Variants in SFMBT2 observed in about 807,000 individuals in gnomAD.
SFMBT2 encodes the protein scm-like with four MBT domains protein 2.
In SFMBT2, 38 loss-of-function variants were observed where a neutral mutation model predicts 110.1. The observed-to-expected ratio is 0.35, with a 90% CI of 0.27 to 0.45. The LOEUF (loss-of-function observed/expected upper bound fraction) is 0.45. SFMBT2 is among the 20% of genes least tolerant of loss of function. The probability of loss-of-function intolerance (pLI) is 1.00; values close to 1 mark genes in which losing one functional copy is unlikely to be tolerated. For missense variants in SFMBT2, 1,011 were observed against 1,094.9 expected (o/e 0.92, Z 1.08); for synonymous variants, 425 against 425.4 (o/e 1.00, Z 0.01).
rs547267621 is a variant in SFMBT2 at position 7,301,155 on chromosome 10, C to T, written c.437-15201G>A. On this transcript the variant is annotated intron_variant, in intron 4 of 20. Coordinates refer to ENST00000397167, the MANE Select transcript of SFMBT2 (RefSeq NM_001387889.1). The surrounding 1 kb of genome is among the most constrained non-coding windows in gnomAD (Gnocchi z 4.2). ...AGGCAGTTGAGAACCATGCCTGCAA[C>T]GAACAGAAGTTCCTTCACTGAAAGT... Among the ~76,000 whole-genome samples the T allele has an allele frequency of 1.8e-4, 28 of 152,144 alleles. No individual in the cohort carries two copies. Among genetic ancestry groups the T allele is most frequent in the African/African-American group, 4.8e-4 (20 of 41,490 alleles).
intron 4 of SFMBT2, among the ~76,000 whole-genome samples, chr10:7,354,745 C>T (rs1264640516): frequency 6.6e-6 from 1 of 151,410 alleles, no homozygotes; most frequent in African/African-American, 2.5e-5. Context: ...AGCAAACAGG[C>T]TTTTAAGTAA....
intron 4 of SFMBT2, among the ~76,000 whole-genome samples, chr10:7,365,905 T>C (rs1197118947): frequency 6.6e-6 from 1 of 152,204 alleles, no homozygotes; most frequent in Non-Finnish European, 1.5e-5. Flanking sequence ...TGCACAACCT[T>C]GTGAATATAC....
intron 8 of SFMBT2, chr10:7,246,250 C>T: frequency 1.3e-6 from 1 of 765,462 alleles, no homozygotes; most frequent in Non-Finnish European, 1.6e-6. Flanking sequence ...ATACTTTCTC[C>T]CTCCCCTCAA....
chr10:7,406,872 T>C (rs574182022), intron 1 of SFMBT2, among the ~76,000 whole-genome samples: 8 of 152,056 alleles, frequency 5.3e-5, no homozygotes, highest in African/African-American at 1.7e-4. Context: ...GGATGACCAC[T>C]CTCTATTCCA....
At chr10:7,298,082 C>T (rs1041448957) in intron 4 of SFMBT2, among the ~76,000 whole-genome samples, 12 of 152,206 alleles carry the variant, frequency 7.9e-5, no homozygotes, top group Non-Finnish European at 1.8e-4. Context: ...CACCCAGAGG[C>T]CCTCGCAGCT....
At chr10:7,168,174 T>C (rs1837753305) in intron 20 of SFMBT2, among the ~76,000 whole-genome samples, 1 of 152,196 alleles carries the variant, frequency 6.6e-6, no homozygotes, top group Non-Finnish European at 1.5e-5. Context: ...TCTCTGGTGT[T>C]ATCAACTGGG....
chr10:7,198,329 T>C (rs1011825053), intron 14 of SFMBT2, among the ~76,000 whole-genome samples: 22 of 152,262 alleles, frequency 1.4e-4, no homozygotes, highest in Non-Finnish European at 2.4e-4. Context: ...TAGTTGTTTC[T>C]ACTTTTTCAG....
intron 20 of SFMBT2, among the ~76,000 whole-genome samples, chr10:7,166,514 A>G (rs1837698700): frequency 6.6e-6 from 1 of 152,224 alleles, no homozygotes; most frequent in South Asian, 2.1e-4. Flanking sequence ...TTGAGCATCT[A>G]CTAAGTGGCA....
intron 4 of SFMBT2, among the ~76,000 whole-genome samples, chr10:7,337,124 T>C (rs1255335742): frequency 6.6e-6 from 1 of 152,252 alleles, no homozygotes; most frequent in Non-Finnish European, 1.5e-5. Context: ...GGAGTGTCTC[T>C]ATTCCTGAGA....
intron 15 of SFMBT2, among the ~76,000 whole-genome samples, chr10:7,189,902 T>C (rs1838543024): frequency 2.0e-5 from 3 of 152,132 alleles, no homozygotes; most frequent in South Asian, 4.1e-4. Context: ...TGGAAGGAGA[T>C]GGGAGAATGT....
intron 7 of SFMBT2, among the ~76,000 whole-genome samples, chr10:7,266,576 C>G (rs1021751119): frequency 1.3e-5 from 2 of 152,148 alleles, no homozygotes; most frequent in African/African-American, 4.8e-5. Context: ...CAGCATCAGG[C>G]GACTGGACCC....
At chr10:7,392,986 TATATATATATATATATATATA>T (rs1845813766) in intron 1 of SFMBT2, among the ~76,000 whole-genome samples, 1 of 5,286 alleles carries the variant, frequency 1.9e-4, no homozygotes, top group East Asian at 7.2e-3. Flanking sequence ...GGATAGATTA[TATATATATATATATATATATA>T]TATATATATA....
chr10:7,326,893 T>C (rs1016439745), intron 4 of SFMBT2, among the ~76,000 whole-genome samples: 1 of 152,184 alleles, frequency 6.6e-6, no homozygotes, highest in Non-Finnish European at 1.5e-5. Context: ...CCTTTTGGTG[T>C]TCCCCTTGGG....
chr10:7,217,614 G>A (rs1405906067), intron 11 of SFMBT2, among the ~76,000 whole-genome samples: 1 of 152,142 alleles, frequency 6.6e-6, no homozygotes, highest in Non-Finnish European at 1.5e-5. Flanking sequence ...AGAGCATACC[G>A]AACTGCTGGA....
At chr10:7,234,654 A>G (rs1840203926) in intron 9 of SFMBT2, among the ~76,000 whole-genome samples, 1 of 152,232 alleles carries the variant, frequency 6.6e-6, no homozygotes, top group African/African-American at 2.4e-5. Context: ...GCTAGAAATG[A>G]GACTTGCTTC....
At chr10:7,382,611 T>C (rs1461590492) in intron 1 of SFMBT2, among the ~76,000 whole-genome samples, 3 of 150,218 alleles carry the variant, frequency 2.0e-5, no homozygotes, top group Non-Finnish European at 4.4e-5. Context: ...TCCCCCCGCC[T>C]TGAAGCTATG....
In SFMBT2 at chr10:7,360,183, T is replaced by TG. The variant is rs75834078; in HGVS notation, c.436+7465dup. Among the ~76,000 whole-genome samples, 610 of 151,676 alleles carry TG rather than the reference T, an allele frequency of 4.0e-3. 7 individuals carry two copies. The highest frequency in any genetic ancestry group is 0.014 in the African/African-American group (574 of 41,482). On this transcript the variant is annotated intron_variant, in intron 4 of 20. Transcript: ENST00000397167. ...GTTCAAGATGACCAAAGAGAGTGTG[T>TG]GGGGCCAGGCACACTGGCTCACGCC...
intron 4 of SFMBT2, among the ~76,000 whole-genome samples, chr10:7,302,622 A>C (rs147476264): frequency 6.6e-6 from 1 of 152,360 alleles, no homozygotes; most frequent in Admixed American, 6.5e-5. Context: ...AGGTCTAGTA[A>C]AAGTGATTGA....
intron 1 of SFMBT2, among the ~76,000 whole-genome samples, chr10:7,385,056 A>C (rs1351530691): frequency 1.3e-5 from 2 of 152,196 alleles, no homozygotes; most frequent in Non-Finnish European, 2.9e-5. Context: ...CAGGACCCCC[A>C]GTTCACCTGG....
Sources: allele counts gnomAD v4.1 joint callset (sites outside exome capture counted in the v4.1 genomes callset), GRCh38; gene constraint gnomAD v4.1.1; non-coding constraint Gnocchi (gnomAD v3.1); transcripts MANE v1.5; gene names NCBI Gene and HGNC (gene_info 2026-07-23, HGNC 2026-07-21).